Variants in MARCO observed in about 807,000 individuals in gnomAD.
The protein encoded by MARCO is macrophage receptor with collagenous structure, also known as macrophage receptor MARCO.
MARCO carries 72 observed loss-of-function variants against 70.0 expected under a neutral mutation model. The ratio of observed to expected loss-of-function variants is 1.03; its 90% confidence interval spans 0.85 to 1.25. MARCO has a LOEUF of 1.25. MARCO is among the 50% of genes most tolerant of loss of function. The pLI is 0.00. For synonymous variants in MARCO, 273 were observed against 243.1 expected (o/e 1.12, Z -1.14); for missense variants, 696 against 659.3 (o/e 1.06, Z -0.61).
Position 118,991,765 on chromosome 2 carries a change from CT to C in MARCO, c.1109-11del, listed in dbSNP as rs1558674389. ...GCAGGGCACCTGATCAGGGCAGTGT[CT>C]CTCCTTCCAGGCCCTGCAGGTGTGA... On this transcript the variant is annotated splice_polypyrimidine_tract_variant and intron_variant, in intron 13 of 16. Coordinates refer to ENST00000327097, the MANE Select transcript of MARCO (RefSeq NM_006770.4). 3 of 1,544,868 alleles carry C rather than the reference CT, an allele frequency of 1.9e-6. No individual in the cohort carries two copies. The Admixed American group carries it at 6.0e-5, about 31-fold the overall frequency.
rs1031479179 is a variant in MARCO, at chr2:118,947,055, A to C, written c.97+4658A>C. Among the ~76,000 whole-genome samples, 14 of 151,962 alleles carry C rather than the reference A, an allele frequency of 9.2e-5. 1 individual carries two copies. Among genetic ancestry groups the C allele is most frequent in the Admixed American group, 7.9e-4 (12 of 15,256 alleles). ...GTTTTAAGAGTTCTTTATATATTCT[A>C]TATATAAGTCCTTTGCTAGATATGT... On this transcript the variant is annotated intron_variant, in intron 1 of 16. Transcript: ENST00000327097.
At chr2:118,948,274 G>T (rs1291326934) in intron 1 of MARCO, among the ~76,000 whole-genome samples, 2 of 152,172 alleles carry the variant, frequency 1.3e-5, no homozygotes, top group Admixed American at 1.3e-4. Context: ...TACACATTTG[G>T]TTCATCCTTA....
At chr2:118,991,901 T>C in intron 14 of MARCO, 26 bp downstream of exon 14, 2 of 1,506,110 alleles carry the variant, frequency 1.3e-6, no homozygotes, top group Admixed American at 1.9e-5. Context: ...CTGATTCCTT[T>C]GTTCTTAGGA....
chr2:118,948,972 A>G (rs917359628), intron 1 of MARCO, among the ~76,000 whole-genome samples: 2 of 152,204 alleles, frequency 1.3e-5, no homozygotes, highest in African/African-American at 2.4e-5. Flanking sequence ...ATAAGGGTGG[A>G]CTGATGGGTC....
In MARCO at chr2:118,977,455, T is replaced by C. The variant is rs764828524; in HGVS notation, c.614-16T>C. On this transcript the variant is annotated splice_polypyrimidine_tract_variant and intron_variant, in intron 6 of 16. Transcript: ENST00000327097. ...CTCAGGCCACAGCAACTGAGCTCTT[T>C]TTTCCTTCCTCACAGGCCTCCAAGG... 4.3e-6 allele frequency: 7 copies of C among 1,612,668 alleles called. No homozygotes were observed. The African/African-American group carries it at 8.0e-5, about 18-fold the overall frequency.
At chr2:118,955,725 G>A (rs988592990) in intron 1 of MARCO, among the ~76,000 whole-genome samples, 3 of 152,164 alleles carry the variant, frequency 2.0e-5, no homozygotes, top group Admixed American at 2.0e-4. Flanking sequence ...AACCTATAAA[G>A]GAAAACCTAT....
intron 1 of MARCO, among the ~76,000 whole-genome samples, chr2:118,964,493 TAATTCC>T (rs1680006509): frequency 6.6e-6 from 1 of 152,220 alleles, no homozygotes; most frequent in South Asian, 2.1e-4. Context: ...ATTGGCAATA[TAATTCC>T]TGGTTGACAA....
Position 118,986,605 on chromosome 2 carries a change from GAA to G in MARCO, c.1064-3982_1064-3981del, listed in dbSNP as rs1202267390. Reference sequence around the variant, plus strand: ...AGGAAAGAAGAAAGAAAGAAAGAAAGAAAGAAAGAAAGAAAGAAAGAAAGAAA... The same window carrying G: ...AGGAAAGAAGAAAGAAAGAAAGAAAGAGAAAGAAAGAAAGAAAGAAAGAAA... On this transcript the variant is annotated intron_variant, in intron 12 of 16. Coordinates refer to ENST00000327097, the MANE Select transcript of MARCO (RefSeq NM_006770.4). 2.9e-4 allele frequency among the ~76,000 whole-genome samples: 4 copies of G among 13,634 alleles called. 1 individual carries two copies. The South Asian group carries it at 0.018, about 60-fold the overall frequency. The allele number at this position is 13,634 out of a possible 152,430, so 8.9% of individuals were successfully genotyped here.
intron 4 of MARCO, among the ~76,000 whole-genome samples, chr2:118,972,975 C>T (rs1265885901): frequency 2.0e-5 from 3 of 151,950 alleles, no homozygotes; most frequent in Non-Finnish European, 2.9e-5. Context: ...TATAGATGTG[C>T]GTACATAGAG....
At chr2:118,994,347 C>T (rs1226130537) in intron 16 of MARCO, 40 bp from the exon 17 acceptor site, 1 of 1,613,102 alleles carries the variant, frequency 6.2e-7, no homozygotes, top group Non-Finnish European at 8.5e-7. Context: ...GACTCTAATC[C>T]TACCCTTCTT....
At chr2:118,970,092 A>G (rs749316055) in intron 2 of MARCO, 22 bp from the exon 3 acceptor site, 1 of 1,601,032 alleles carries the variant, frequency 6.2e-7, no homozygotes, top group Non-Finnish European at 8.6e-7. Flanking sequence ...TCCCTAAAAG[A>G]ATGCTGTGGG....
intron 1 of MARCO, among the ~76,000 whole-genome samples, chr2:118,953,194 A>T (rs754996273): frequency 6.6e-6 from 1 of 152,258 alleles, no homozygotes; most frequent in Non-Finnish European, 1.5e-5. Context: ...ACATTTCCAA[A>T]TAAGGAAGGG....
At position 118,994,415 on chromosome 2, in the gene MARCO, T is replaced by A; in HGVS notation, c.1458T>A (p.Val486=). 1 of 1,614,188 alleles carries A rather than the reference T, an allele frequency of 6.2e-7. No homozygotes were observed. Among genetic ancestry groups the A allele is most frequent in the Non-Finnish European group, 8.5e-7 (1 of 1,180,040 alleles). ...CTGGGCAGATCTGGCTGGATAATGTTCAGTGTCGGGGCACGGAGAGTACCC... is the reference window on the plus strand; with the variant it reads ...CTGGGCAGATCTGGCTGGATAATGTACAGTGTCGGGGCACGGAGAGTACCC... ...AGTGQIWLDN[V]QCRGTESTLW... Residue 486 remains valine (V), a synonymous_variant, in exon 17 of 17, where the codon GTT becomes GTA. Transcript: ENST00000327097.
At chr2:118,950,423 A>G (rs1679698391) in intron 1 of MARCO, among the ~76,000 whole-genome samples, 1 of 150,812 alleles carries the variant, frequency 6.6e-6, no homozygotes, top group Non-Finnish European at 1.5e-5. Context: ...CTTTACAATT[A>G]AAGTTTCAAA....
At chr2:118,958,167 T>TA (rs201450773) in intron 1 of MARCO, among the ~76,000 whole-genome samples, 31 of 149,988 alleles carry the variant, frequency 2.1e-4, no homozygotes, top group Non-Finnish European at 3.4e-4. Context: ...CAGACAAGAT[T>TA]AAAAAAAAAG....
chr2:118,956,666 T>G (rs145156981), intron 1 of MARCO, among the ~76,000 whole-genome samples: 54 of 152,204 alleles, frequency 3.5e-4, no homozygotes, highest in African/African-American at 1.3e-3. Flanking sequence ...TACAGAACAT[T>G]TCATCCAACA....
At chr2:118,976,718 A>G (rs1162715541) in intron 6 of MARCO, among the ~76,000 whole-genome samples, 1 of 152,208 alleles carries the variant, frequency 6.6e-6, no homozygotes, top group Non-Finnish European at 1.5e-5. Flanking sequence ...ATTCAGATGC[A>G]GAATACTTAA....
rs1344117193 is a variant in MARCO at position 118,982,176 on chromosome 2, G to A, written c.922G>A (p.Val308Ile). The A allele has an allele frequency of 3.1e-6, 5 of 1,612,590 alleles. No individual in the cohort carries two copies. The highest frequency in any genetic ancestry group is 4.2e-6 in the Non-Finnish European group (5 of 1,179,096). The part of the protein sequence containing the change: ...GDQGQPGLQG[V>I]PGPPGAVGHP... ...TTCAGGACAACCTGGACTGCAGGGT[G>A]TTCCGGGCCCTCCTGGTGCAGTGGG... Residue 308 changes from valine to isoleucine, a missense_variant, in exon 11 of 17, where the codon GTT (valine) becomes ATT (isoleucine). Coordinates refer to ENST00000327097, the MANE Select transcript of MARCO (RefSeq NM_006770.4).
At chr2:118,956,168 C>T (rs1427482838) in intron 1 of MARCO, among the ~76,000 whole-genome samples, 2 of 152,050 alleles carry the variant, frequency 1.3e-5, no homozygotes, top group Admixed American at 1.3e-4. Flanking sequence ...TATAAATGGC[C>T]TAAATGCTCC....
Sources: gnomAD v4.1 joint callset for allele counts (sites outside exome capture counted in the v4.1 genomes callset) on GRCh38, gnomAD v4.1.1 for gene constraint, MANE v1.5 for transcripts, NCBI Gene and HGNC (gene_info 2026-07-23, HGNC 2026-07-21) for gene names.